ZNF521: variants seen among roughly 807,000 people sequenced by gnomAD.
ZNF521 encodes zinc finger protein 521.
ZNF521 carries 14 observed loss-of-function variants against 105.5 expected under a neutral mutation model. The ratio of observed to expected loss-of-function variants is 0.13; its 90% CI spans 0.09 to 0.21. The LOEUF (loss-of-function observed/expected upper bound fraction) is 0.21. ZNF521 is among the 10% of genes least tolerant of loss of function. The pLI is 1.00. For missense variants in ZNF521, 1,233 were observed against 1,629.7 expected (o/e 0.76, Z 4.19); for synonymous variants, 635 against 606.0 (o/e 1.05, Z -0.70).
At chr18:25,254,809 T>C (rs1033152010) in intron 3 of ZNF521, among the ~76,000 whole-genome samples, 1 of 152,114 alleles carries the variant, frequency 6.6e-6, no homozygotes, top group African/African-American at 2.4e-5. Context: ...CCCAGATTTC[T>C]TCTCCACCCC....
At position 25,144,625 on chromosome 18, in the gene ZNF521, C is replaced by A. The variant is rs540358633; in HGVS notation, c.3658+50535G>T. Among the ~76,000 whole-genome samples the A allele has an allele frequency of 6.4e-4, 98 of 151,964 alleles. 1 individual carries two copies. The highest frequency in any genetic ancestry group is 2.2e-3 in the African/African-American group (91 of 41,434). On this transcript the variant is annotated intron_variant, in intron 5 of 7. Coordinates refer to ENST00000361524, the MANE Select transcript of ZNF521 (RefSeq NM_015461.3). The stretch of plus-strand genomic sequence containing the variant: ...AACATTCCAGAGTGATAGAACAAAC[C>A]CAGGTAAGAAATGCAACTCATTGCC...
intron 2 of ZNF521, among the ~76,000 whole-genome samples, chr18:25,337,356 C>T (rs570683118): frequency 5.8e-4 from 88 of 152,162 alleles, no homozygotes; most frequent in Non-Finnish European, 1.1e-3. Flanking sequence ...AACTACCACC[C>T]ACAGAGTCAA....
chr18:25,130,150 A>G (rs1404704853), intron 5 of ZNF521, among the ~76,000 whole-genome samples: 1 of 152,166 alleles, frequency 6.6e-6, no homozygotes, highest in Admixed American at 6.5e-5. Context: ...ATGGAATATT[A>G]TGCAGCAATA....
intron 3 of ZNF521, among the ~76,000 whole-genome samples, chr18:25,276,117 T>C (rs1018098582): frequency 6.6e-6 from 1 of 152,138 alleles, no homozygotes; most frequent in African/African-American, 2.4e-5. Context: ...CCTGTGAGGC[T>C]ACTCAGGGCA....
chr18:25,272,979 C>T (rs1909766809), intron 3 of ZNF521, among the ~76,000 whole-genome samples: 1 of 151,796 alleles, frequency 6.6e-6, no homozygotes, highest in Non-Finnish European at 1.5e-5. Flanking sequence ...GTAATCCCAG[C>T]ACTTTGGGAG....
At chr18:25,278,329 G>C (rs1246444080) in intron 3 of ZNF521, among the ~76,000 whole-genome samples, 8 of 152,130 alleles carry the variant, frequency 5.3e-5, no homozygotes, top group Admixed American at 4.6e-4. Context: ...CAAAGAAAAA[G>C]AGACAAGTAT....
intron 5 of ZNF521, among the ~76,000 whole-genome samples, chr18:25,159,464 T>TA (rs1567987578): frequency 6.6e-6 from 1 of 151,800 alleles, no homozygotes; most frequent in African/African-American, 2.4e-5. Flanking sequence ...AGGGAACATG[T>TA]AAAAAACAGG....
At chr18:25,320,234 G>A (rs750327350) in intron 3 of ZNF521, among the ~76,000 whole-genome samples, 8 of 152,062 alleles carry the variant, frequency 5.3e-5, no homozygotes, top group African/African-American at 9.7e-5. Context: ...CTGCAATGGC[G>A]TGATCTCAGC....
intron 5 of ZNF521, among the ~76,000 whole-genome samples, chr18:25,162,695 A>G (rs1300504127): frequency 1.3e-5 from 2 of 152,304 alleles, no homozygotes; most frequent in African/African-American, 4.8e-5. Context: ...TTCATATCCA[A>G]CTCAGGCATG....
At chr18:25,157,891 A>C (rs2035176699) in intron 5 of ZNF521, among the ~76,000 whole-genome samples, 1 of 152,006 alleles carries the variant, frequency 6.6e-6, no homozygotes, top group Admixed American at 6.6e-5. Flanking sequence ...AGCTGGGATT[A>C]CAGGTACCTG....
chr18:25,216,137 G>T (rs773691480), intron 4 of ZNF521, among the ~76,000 whole-genome samples: 18 of 151,978 alleles, frequency 1.2e-4, no homozygotes, highest in Non-Finnish European at 2.1e-4. Flanking sequence ...TAATCAACCT[G>T]TTTTTTTCAG....
rs201177873 is a variant in ZNF521, at chr18:25,249,468, TC to T, written c.221-21772del. On this transcript the variant is annotated intron_variant, in intron 3 of 7. Coordinates refer to ENST00000361524, the MANE Select transcript of ZNF521 (RefSeq NM_015461.3). Reference sequence around the variant, plus strand: ...CACCACGCCGGGCCTTTACTTTCTTTCTTTTTTTTTTTTAAGACAGTCTTGT... The same window carrying T: ...CACCACGCCGGGCCTTTACTTTCTTTTTTTTTTTTTTTAAGACAGTCTTGT... Among the ~76,000 whole-genome samples, 153 of 150,658 alleles carry T rather than the reference TC, an allele frequency of 1.0e-3. 2 individuals are homozygous for T. The East Asian group carries it at 0.029, about 28-fold the overall frequency.
chr18:25,147,734 A>G (rs890378252), intron 5 of ZNF521, among the ~76,000 whole-genome samples: 1 of 152,162 alleles, frequency 6.6e-6, no homozygotes, highest in East Asian at 1.9e-4. Context: ...CTTTGATCCT[A>G]CCAGGTATCA....
chr18:25,320,552 A>G (rs983500274), intron 3 of ZNF521, among the ~76,000 whole-genome samples: 3 of 150,952 alleles, frequency 2.0e-5, no homozygotes, highest in African/African-American at 7.3e-5. Flanking sequence ...TACAAAGGAT[A>G]TATGTATAGA....
intron 6 of ZNF521, among the ~76,000 whole-genome samples, chr18:25,091,397 A>G (rs763581553): frequency 9.9e-5 from 15 of 152,148 alleles, no homozygotes; most frequent in Non-Finnish European, 1.6e-4. Context: ...TCTTAAAAGT[A>G]TAAGTGTAGA....
chr18:25,143,519 G>A (rs1472403540), intron 5 of ZNF521, among the ~76,000 whole-genome samples: 3 of 152,132 alleles, frequency 2.0e-5, no homozygotes, highest in Non-Finnish European at 4.4e-5. Context: ...AGAATAAACT[G>A]CTAGCCTTCA....
At position 25,227,190 on chromosome 18, in the gene ZNF521, T is replaced by C. The variant is rs760542081; in HGVS notation, c.728A>G (p.Lys243Arg). The change falls in exon 4 of 8, where the codon AAG becomes AGG. Residue 243 changes from lysine to arginine, a missense_variant. Physicochemically the swap from Lys to Arg is conservative, Grantham distance 26. Coordinates refer to ENST00000361524, the MANE Select transcript of ZNF521 (RefSeq NM_015461.3). This position sits in a 1 kb window ranked among gnomAD's most constrained non-coding sequence, Gnocchi z 5.7. ...ACACTGACTGCACTTCTGAGTGTCCTTCATCTTCCAGTCCTCCATCCTGGA... is the reference window on the plus strand; with the variant it reads ...ACACTGACTGCACTTCTGAGTGTCCCTCATCTTCCAGTCCTCCATCCTGGA... ...SGSRMEDWKM[K>R]DTQKCSQCEE... 2 of 1,614,180 alleles carry C rather than the reference T, an allele frequency of 1.2e-6. No homozygotes were observed. The highest frequency in any genetic ancestry group is 1.7e-6 in the Non-Finnish European group (2 of 1,180,014).
intron 3 of ZNF521, among the ~76,000 whole-genome samples, chr18:25,268,878 G>A (rs1166490047): frequency 6.6e-6 from 1 of 152,010 alleles, no homozygotes; most frequent in Non-Finnish European, 1.5e-5. Flanking sequence ...CAATTAACAG[G>A]CAAAATAACC....
intron 5 of ZNF521, among the ~76,000 whole-genome samples, chr18:25,118,675 G>A (rs1287458943): frequency 2.6e-5 from 4 of 151,942 alleles, no homozygotes; most frequent in African/African-American, 9.6e-5. Flanking sequence ...AAATGATAAT[G>A]GAATTATAAA....
Sources: gnomAD v4.1 joint callset for allele counts (sites outside exome capture counted in the v4.1 genomes callset) on GRCh38, gnomAD v4.1.1 for gene constraint, Gnocchi (gnomAD v3.1) non-coding constraint, MANE v1.5 for transcripts, NCBI Gene and HGNC (gene_info 2026-07-23, HGNC 2026-07-21) for gene names.